IGBP1: variants seen among roughly 807,000 people sequenced by gnomAD.
IGBP1 encodes immunoglobulin binding protein 1.
In IGBP1, 2 loss-of-function variants were observed where a neutral mutation model predicts 25.9. The observed-to-expected ratio is 0.08, with a 90% CI of 0.03 to 0.24. IGBP1 has a LOEUF of 0.24. Ranked by LOEUF, IGBP1 falls within the 10% of genes least tolerant of loss-of-function variation. The pLI, the probability that IGBP1 is intolerant of heterozygous loss-of-function variation, is 1.00. For missense variants in IGBP1, 187 were observed against 260.4 expected (o/e 0.72, Z 1.94); for synonymous variants, 96 against 93.4 (o/e 1.03, Z -0.16).
At chrX:70,163,351 G>T (rs2085280832) in intron 6 of IGBP1, among the ~76,000 whole-genome samples, 2 of 109,974 alleles carry the variant, frequency 1.8e-5, no homozygotes, top group African/African-American at 3.3e-5. Context: ...GAGCCATCGT[G>T]CCCAGCCCAT....
Position 70,146,711 on chromosome X carries a change from G to A in IGBP1, c.561G>A (p.Glu187=). ...TGGAAAGTGGTCAAGCAGATGATGAGCGTGTTCGTGAATATTATCTTCTTC... is the reference window on the plus strand; with the variant it reads ...TGGAAAGTGGTCAAGCAGATGATGAACGTGTTCGTGAATATTATCTTCTTC... The part of the protein sequence containing the change: ...SAVESGQADD[E]RVREYYLLHL... Residue 187 remains glutamate, a synonymous_variant, in exon 4 of 7, where the codon GAG becomes GAA. Transcript: ENST00000356413. The A allele has an allele frequency of 2.5e-6, 3 of 1,205,153 alleles. No individual in the cohort carries two copies. Among genetic ancestry groups the A allele is most frequent in the Non-Finnish European group, 2.2e-6 (2 of 890,392 alleles).
chrX:70,141,158 A>C (rs1229480826), intron 3 of IGBP1, among the ~76,000 whole-genome samples: 1 of 110,357 alleles, frequency 9.1e-6, no homozygotes. Context: ...AGCCTGGCCA[A>C]GGTGGCGAAA....
chrX:70,134,206 C>T (rs1355990915), intron 2 of IGBP1, 71 bp downstream of exon 2: 4 of 1,005,466 alleles, frequency 4.0e-6, no homozygotes, highest in Admixed American at 4.5e-5. Flanking sequence ...AGCCATTGCG[C>T]CTGAGTGGAG....
chrX:70,161,549 G>C (rs2085270769), intron 6 of IGBP1, among the ~76,000 whole-genome samples: 2 of 111,565 alleles, frequency 1.8e-5, no homozygotes, highest in Non-Finnish European at 3.8e-5. Flanking sequence ...ATTCTAAGTT[G>C]AAAATATTGT....
intron 3 of IGBP1, among the ~76,000 whole-genome samples, chrX:70,142,132 A>T (rs1389674608): frequency 9.0e-6 from 1 of 111,531 alleles, no homozygotes. Flanking sequence ...TAGAAGTTCG[A>T]GACCAGCCTG....
At position 70,133,484 on chromosome X, in the gene IGBP1, G is replaced by C. The variant is rs919643150; in HGVS notation, c.-282G>C. The C allele has an allele frequency of 2.3e-5, 6 of 262,824 alleles. No homozygotes were observed. The highest frequency in any genetic ancestry group is 1.7e-4 in the African/African-American group (6 of 35,599). 21.7% of individuals were successfully genotyped at this position (262,824 alleles called of 1,213,427 possible). ...CAAGCGACCGGATCTTCAAACCGTG[G>C]GAGTGGTGCGGCGGCTAGAGTCCCT... On this transcript the variant is annotated 5_prime_UTR_variant, in exon 1 of 7. Coordinates refer to ENST00000356413, the MANE Select transcript of IGBP1 (RefSeq NM_001551.3).
At chrX:70,151,910 G>A (rs2085205809) in intron 6 of IGBP1, among the ~76,000 whole-genome samples, 1 of 111,320 alleles carries the variant, frequency 9.0e-6, no homozygotes, top group South Asian at 3.8e-4. Context: ...AGTAGTCACT[G>A]GGAGCTGACT....
chrX:70,148,902 C>A, intron 5 of IGBP1, 62 bp downstream of exon 5: 2 of 791,007 alleles, frequency 2.5e-6, no homozygotes, highest in Non-Finnish European at 3.8e-6. Context: ...TGTGGCAATT[C>A]ATTAGTGACC....
rs1160054470 is a variant in IGBP1 at position 70,134,922 on chromosome X, G to C, written c.482+106G>C. 6.4e-6 allele frequency: 5 copies of C among 785,108 alleles called. No individual in the cohort carries two copies. The East Asian group carries it at 1.6e-4, about 25-fold the overall frequency. The allele number at this position is 785,108 out of a possible 1,213,427, so 64.7% of individuals were successfully genotyped here. On this transcript the variant is annotated intron_variant, in intron 3 of 6. Transcript: ENST00000356413. ...CCAGAATGGTATGTGTCACTTTCTT[G>C]GTTCTTATTGAGCATAGGCCCTAGG...
chrX:70,152,192 GC>G (rs1265748364), intron 6 of IGBP1, among the ~76,000 whole-genome samples: 2 of 111,058 alleles, frequency 1.8e-5, no homozygotes, highest in African/African-American at 6.5e-5. Flanking sequence ...CAGAGAAGAT[GC>G]CCTGATTCTG....
intron 6 of IGBP1, among the ~76,000 whole-genome samples, chrX:70,163,349 G>A (rs2085280811): frequency 9.1e-6 from 1 of 110,039 alleles, no homozygotes; most frequent in South Asian, 3.9e-4. Context: ...GTGAGCCATC[G>A]TGCCCAGCCC....
At chrX:70,148,908 T>C in intron 5 of IGBP1, 68 bp downstream of exon 5, 1 of 774,189 alleles carries the variant, frequency 1.3e-6, no homozygotes. Flanking sequence ...AATTCATTAG[T>C]GACCCACAGA....
At position 70,133,541 on chromosome X, in the gene IGBP1, G is replaced by T. The variant is rs1192688964; in HGVS notation, c.-226+1G>T. 2 of 355,760 alleles carry T rather than the reference G, an allele frequency of 5.6e-6. No individual in the cohort carries two copies. The highest frequency in any genetic ancestry group is 9.6e-6 in the Non-Finnish European group (2 of 207,427). The allele number at this position is 355,760 out of a possible 1,213,427, so 29.3% of individuals were successfully genotyped here. Reference sequence around the variant, plus strand: ...CTCAACCTAGGGAGCTACTCGCGAGGTAAGGGGCGCGCCAGACTGGCTCCT... The same window carrying T: ...CTCAACCTAGGGAGCTACTCGCGAGTTAAGGGGCGCGCCAGACTGGCTCCT... On this transcript the variant is annotated splice_donor_variant, in intron 1 of 6. Coordinates refer to ENST00000356413, the MANE Select transcript of IGBP1 (RefSeq NM_001551.3). LOFTEE classifies it low-confidence loss of function (5UTR_SPLICE).
chrX:70,166,133 TTAAG>T lies in IGBP1; in HGVS notation c.*154_*157del, dbSNP rs1181796148. Reference sequence around the variant, plus strand: ...TTGCATTCAGTAAAGTGTCAAGTGATTAAGTGTGTATTTGTACCCTAGATGATAT... The same window carrying T: ...TTGCATTCAGTAAAGTGTCAAGTGATTGTGTATTTGTACCCTAGATGATAT... On this transcript the variant is annotated 3_prime_UTR_variant, in exon 7 of 7. Transcript: ENST00000356413. The T allele has an allele frequency of 6.9e-5, 35 of 509,379 alleles. No individual in the cohort carries two copies. The highest frequency in any genetic ancestry group is 1.1e-4 in the Non-Finnish European group (32 of 303,120). 42.0% of individuals were successfully genotyped at this position (509,379 alleles called of 1,213,427 possible). A position where few individuals can be genotyped will look rare whatever the true frequency, so the allele number is the denominator to read the frequency against.
chrX:70,134,919 C>G, intron 3 of IGBP1, 103 bp downstream of exon 3: 1 of 818,009 alleles, frequency 1.2e-6, no homozygotes, highest in Non-Finnish European at 1.8e-6. Flanking sequence ...GTGTCACTTT[C>G]TTGGTTCTTA....
At chrX:70,154,973 G>T (rs1046250828) in intron 6 of IGBP1, among the ~76,000 whole-genome samples, 6 of 110,537 alleles carry the variant, frequency 5.4e-5, no homozygotes, top group African/African-American at 1.6e-4. Context: ...AAAGTATACA[G>T]ATGACAGATA....
chrX:70,136,448 A>G, intron 3 of IGBP1, among the ~76,000 whole-genome samples: 1 of 111,608 alleles, frequency 9.0e-6, no homozygotes, highest in Middle Eastern at 4.6e-3. Context: ...AGGTGTATTA[A>G]ATGCGTTTTC....
chrX:70,141,710 C>G (rs1295378231), intron 3 of IGBP1, among the ~76,000 whole-genome samples: 1 of 111,451 alleles, frequency 9.0e-6, no homozygotes, highest in Admixed American at 9.6e-5. Flanking sequence ...AAAGCCTAGA[C>G]TTAGGATTCA....
At position 70,135,930 on chromosome X, in the gene IGBP1, C is replaced by T. The variant is rs186342945; in HGVS notation, c.482+1114C>T. 6.3e-5 allele frequency among the ~76,000 whole-genome samples: 7 copies of T among 111,974 alleles called. No homozygotes were observed. In the East Asian group the frequency reaches 2.0e-3, roughly 31 times the overall value. ...ATTTGTGGTAAGTTATTTAATCTTT[C>T]AGTACCTTAATTTCCCCAGCTGCAA... On this transcript the variant is annotated intron_variant, in intron 3 of 6. Transcript: ENST00000356413.
Sources: gnomAD v4.1 joint callset for allele counts (sites outside exome capture counted in the v4.1 genomes callset) on GRCh38, gnomAD v4.1.1 for gene constraint, MANE v1.5 for transcripts, NCBI Gene and HGNC (gene_info 2026-07-23, HGNC 2026-07-21) for gene names.